RBFOX1: variants seen among roughly 807,000 people sequenced by gnomAD.
The protein encoded by RBFOX1 is RNA binding fox-1 homolog 1.
A neutral mutation model predicts 57.7 loss-of-function variants in RBFOX1; 8 were observed. That is an observed-to-expected ratio of 0.14 (90% CI 0.08 to 0.25). RBFOX1 has a LOEUF of 0.25. Ranked by LOEUF, RBFOX1 falls within the 10% of genes least tolerant of loss-of-function variation. RBFOX1 has a pLI of 1.00. For synonymous variants in RBFOX1, 326 were observed against 222.4 expected (o/e 1.47, Z -4.15); for missense variants, 611 against 548.5 (o/e 1.11, Z -1.14).
At chr16:5,301,485 G>A (rs1010133620) in intron 1 of RBFOX1, among the ~76,000 whole-genome samples, 1 of 151,996 alleles carries the variant, frequency 6.6e-6, no homozygotes, top group African/African-American at 2.4e-5. Context: ...CAAGTGTGGT[G>A]GCAGGCGCCT....
intron 3 of RBFOX1, among the ~76,000 whole-genome samples, chr16:5,797,504 G>A (rs2054918294): frequency 6.6e-6 from 1 of 152,200 alleles, no homozygotes; most frequent in African/African-American, 2.4e-5. Context: ...TGGCTCCCCA[G>A]AGTGACTCAG....
chr16:7,383,665 A>G (rs572811003), intron 4 of RBFOX1, among the ~76,000 whole-genome samples: 9 of 152,294 alleles, frequency 5.9e-5, no homozygotes, highest in East Asian at 5.8e-4. Flanking sequence ...ATAAGATGCA[A>G]TATTATTCCA....
chr16:6,795,216 C>T (rs375713128), intron 3 of RBFOX1, among the ~76,000 whole-genome samples: 1 of 152,082 alleles, frequency 6.6e-6, no homozygotes, highest in Admixed American at 6.5e-5. Context: ...TTCTAGGTTA[C>T]CCACTTGTGT....
chr16:7,005,528 G>T (rs1377645794), intron 3 of RBFOX1, among the ~76,000 whole-genome samples: 1 of 152,204 alleles, frequency 6.6e-6, no homozygotes. Flanking sequence ...ACAATGATAA[G>T]TGTTCTGTAA....
chr16:5,300,252 T>C (rs1005600390), intron 1 of RBFOX1, among the ~76,000 whole-genome samples: 1 of 152,208 alleles, frequency 6.6e-6, no homozygotes, highest in Non-Finnish European at 1.5e-5. Context: ...AGGGTATTGA[T>C]GTATTTTTTC....
chr16:7,349,482 G>A (rs2097087178), intron 4 of RBFOX1, among the ~76,000 whole-genome samples: 1 of 152,114 alleles, frequency 6.6e-6, no homozygotes, highest in Admixed American at 6.6e-5. Context: ...TTAGGATGAG[G>A]TCTGCCAGCC....
At chr16:5,599,193 C>T (rs1171755849) in exon 3 of RBFOX1, 2 of 703,486 alleles carry the variant, frequency 2.8e-6, no homozygotes, top group Admixed American at 2.0e-5. Flanking sequence ...TGTATTCTGT[C>T]CTCTAAAAAA....
chr16:7,170,966 G>A (rs939967036), intron 4 of RBFOX1, among the ~76,000 whole-genome samples: 1 of 152,148 alleles, frequency 6.6e-6, no homozygotes, highest in African/African-American at 2.4e-5. Flanking sequence ...TCCTTTTGCA[G>A]GTGATCCTAA....
intron 2 of RBFOX1, among the ~76,000 whole-genome samples, chr16:6,607,699 G>A (rs1478593491): frequency 6.6e-6 from 1 of 152,002 alleles, no homozygotes; most frequent in Admixed American, 6.6e-5. Flanking sequence ...GCATGTGAGT[G>A]TGCAAATAAG....
intron 4 of RBFOX1, among the ~76,000 whole-genome samples, chr16:7,117,026 G>C (rs568478871): frequency 3.3e-5 from 5 of 152,244 alleles, no homozygotes; most frequent in Admixed American, 1.3e-4. Flanking sequence ...AGTTAGGGAA[G>C]TGAAGACAAG....
intron 2 of RBFOX1, among the ~76,000 whole-genome samples, chr16:6,530,752 CT>C (rs80040556): frequency 0.83 from 125,039 of 150,468 alleles, 55,474 homozygotes; most frequent in East Asian, 0.99. Flanking sequence ...TAAACCGTCC[CT>C]TCCCCACCCC....
At chr16:7,474,700 C>G (rs1287284201) in intron 4 of RBFOX1, among the ~76,000 whole-genome samples, 1 of 152,186 alleles carries the variant, frequency 6.6e-6, no homozygotes, top group Non-Finnish European at 1.5e-5. Context: ...AATATGCTTT[C>G]CCTTTCCAGT....
intron 4 of RBFOX1, among the ~76,000 whole-genome samples, chr16:5,959,508 T>G (rs935391225): frequency 2.0e-5 from 3 of 152,082 alleles, no homozygotes; most frequent in Non-Finnish European, 4.4e-5. Flanking sequence ...TCATTTTGAG[T>G]GCATGGGGTA....
chr16:6,115,130 G>C (rs898077392), intron 1 of RBFOX1, among the ~76,000 whole-genome samples: 7 of 152,122 alleles, frequency 4.6e-5, no homozygotes, highest in African/African-American at 1.7e-4. Context: ...CGAGCCGTGA[G>C]GGTATCTGGG....
chr16:6,939,719 C>T (rs927255794), intron 3 of RBFOX1, among the ~76,000 whole-genome samples: 9 of 151,926 alleles, frequency 5.9e-5, no homozygotes, highest in Admixed American at 4.6e-4. Context: ...ACTATGTTGG[C>T]CGGGCTGGTC....
intron 3 of RBFOX1, among the ~76,000 whole-genome samples, chr16:6,701,299 G>A (rs1382466107): frequency 1.3e-5 from 2 of 152,216 alleles, no homozygotes; most frequent in Non-Finnish European, 2.9e-5. Flanking sequence ...GACAGCTGTG[G>A]CTGCCTGCTG....
At chr16:5,750,285 G>A (rs1008716712) in intron 3 of RBFOX1, among the ~76,000 whole-genome samples, 9 of 152,308 alleles carry the variant, frequency 5.9e-5, no homozygotes, top group African/African-American at 1.4e-4. Context: ...TACTGTGGGG[G>A]TGCCTCCCAG....
At chr16:5,987,278 A>G (rs1260055732) in intron 4 of RBFOX1, among the ~76,000 whole-genome samples, 1 of 152,010 alleles carries the variant, frequency 6.6e-6, no homozygotes, top group Non-Finnish European at 1.5e-5. Flanking sequence ...TCTGGATATT[A>G]TTCATTCGTT....
At chr16:7,329,572 G>T (rs150786588) in intron 4 of RBFOX1, among the ~76,000 whole-genome samples, 1 of 152,168 alleles carries the variant, frequency 6.6e-6, no homozygotes, top group Non-Finnish European at 1.5e-5. Flanking sequence ...TTTATTTACA[G>T]GCTTTATGAT....
Sources: gnomAD v4.1 joint callset for allele counts (sites outside exome capture counted in the v4.1 genomes callset) on GRCh38, gnomAD v4.1.1 for gene constraint, MANE v1.5 for transcripts, NCBI Gene and HGNC (gene_info 2026-07-23, HGNC 2026-07-21) for gene names.